The following CYYR1 variants were observed in gnomAD, a reference collection of about 807,000 sequenced individuals.
CYYR1 encodes cysteine and tyrosine rich 1, also known as cysteine and tyrosine-rich protein 1.
CYYR1 carries 14 observed loss-of-function variants against 15.2 expected under a neutral mutation model. That is an observed-to-expected ratio of 0.92 (90% CI 0.61 to 1.44). The LOEUF is 1.44. Among genes scored for constraint, CYYR1 ranks in the 40% most tolerant of loss-of-function variants. The pLI is 0.00. For synonymous variants in CYYR1, 80 were observed against 77.4 expected (o/e 1.03, Z -0.18); for missense variants, 228 against 209.5 (o/e 1.09, Z -0.54).
intron 2 of CYYR1, among the ~76,000 whole-genome samples, chr21:26,560,725 G>T (rs1980137422): frequency 6.6e-6 from 1 of 152,044 alleles, no homozygotes; most frequent in African/African-American, 2.4e-5. Context: ...TCTAAAGTTG[G>T]AATAAAAGCT....
At chr21:26,517,325 T>C (rs1200767001) in intron 2 of CYYR1, among the ~76,000 whole-genome samples, 3 of 152,196 alleles carry the variant, frequency 2.0e-5, no homozygotes, top group Admixed American at 2.0e-4. Context: ...TTTAATATGG[T>C]ATTACTTCTA....
At chr21:26,553,697 T>C (rs927357150) in intron 2 of CYYR1, among the ~76,000 whole-genome samples, 1 of 152,190 alleles carries the variant, frequency 6.6e-6, no homozygotes, top group African/African-American at 2.4e-5. Flanking sequence ...GTGCATTCTG[T>C]CCACGCTCTC....
At chr21:26,478,894 T>C (rs779328340) in intron 3 of CYYR1, among the ~76,000 whole-genome samples, 1 of 151,988 alleles carries the variant, frequency 6.6e-6, no homozygotes, top group Non-Finnish European at 1.5e-5. Context: ...GCAACTAGGA[T>C]AGAGATGCCA....
intron 2 of CYYR1, among the ~76,000 whole-genome samples, chr21:26,532,319 G>C (rs1022412745): frequency 6.6e-6 from 1 of 152,052 alleles, no homozygotes; most frequent in Admixed American, 6.6e-5. Context: ...GCTTATTGAA[G>C]GACTAAAGCA....
intron 2 of CYYR1, among the ~76,000 whole-genome samples, chr21:26,494,930 G>T (rs997573269): frequency 6.6e-6 from 1 of 152,268 alleles, no homozygotes; most frequent in South Asian, 2.1e-4. Context: ...TTGAGCCATC[G>T]GAGTGATGGT....
intron 2 of CYYR1, among the ~76,000 whole-genome samples, chr21:26,525,952 A>AT (rs2065858777): frequency 6.6e-6 from 1 of 152,200 alleles, no homozygotes; most frequent in South Asian, 2.1e-4. Flanking sequence ...TCAGTTATAA[A>AT]TGGAAGCTAA....
intron 2 of CYYR1, among the ~76,000 whole-genome samples, chr21:26,535,868 C>T (rs2123624410): frequency 6.6e-6 from 1 of 152,250 alleles, no homozygotes; most frequent in Non-Finnish European, 1.5e-5. Flanking sequence ...TGTATGTTCC[C>T]TTTGCCACTT....
At chr21:26,521,376 T>C (rs2065802476) in intron 2 of CYYR1, among the ~76,000 whole-genome samples, 1 of 152,164 alleles carries the variant, frequency 6.6e-6, no homozygotes, top group Admixed American at 6.5e-5. Context: ...AGACATCTGG[T>C]TAAATCAAAT....
chr21:26,506,342 G>A (rs1185070410), intron 2 of CYYR1, among the ~76,000 whole-genome samples: 3 of 152,050 alleles, frequency 2.0e-5, no homozygotes, highest in Non-Finnish European at 4.4e-5. Context: ...GACATTGAGG[G>A]GGCTTTCTCT....
At chr21:26,489,581 A>G (rs1038379472) in intron 2 of CYYR1, among the ~76,000 whole-genome samples, 2 of 151,676 alleles carry the variant, frequency 1.3e-5, no homozygotes, top group African/African-American at 4.8e-5. Flanking sequence ...TGTATGTATA[A>G]TATATATAAT....
In CYYR1 at chr21:26,566,309, G is replaced by A. The variant is rs765284239; in HGVS notation, c.133C>T (p.Pro45Ser). 1.2e-6 allele frequency: 2 copies of A among 1,613,914 alleles called. No homozygotes were observed. Among genetic ancestry groups the A allele is most frequent in the East Asian group, 2.2e-5 (1 of 44,846 alleles). Residue 45 changes from proline to serine, a missense_variant, in exon 2 of 4, where the codon CCC (proline) becomes TCC (serine). Coordinates refer to ENST00000652641, the MANE Select transcript of CYYR1 (RefSeq NM_001320768.2). Reference sequence around the variant, plus strand: ...TAAGCGTAGTAGGAGCAACAGTAGGGCGTGGTTCCATCACAGCAGTAAGAT... The same window carrying A: ...TAAGCGTAGTAGGAGCAACAGTAGGACGTGGTTCCATCACAGCAGTAAGAT... ...CKSYCCDGTT[P>S]YCCSYYAYIG... is the part of the protein sequence containing the mutation.
chr21:26,480,217 G>C, intron 3 of CYYR1, 55 bp downstream of exon 3: 2 of 1,506,940 alleles, frequency 1.3e-6, no homozygotes, highest in Non-Finnish European at 1.8e-6. Flanking sequence ...CTCTCTGTGA[G>C]GAGCAGAGGA....
intron 2 of CYYR1, among the ~76,000 whole-genome samples, chr21:26,504,479 C>G (rs1375519428): frequency 2.6e-5 from 4 of 151,852 alleles, no homozygotes; most frequent in African/African-American, 9.7e-5. Context: ...ACCATATTGG[C>G]TAGGCTGTAA....
intron 2 of CYYR1, among the ~76,000 whole-genome samples, chr21:26,498,636 G>C (rs144698357): frequency 2.6e-3 from 392 of 152,290 alleles, no homozygotes; most frequent in African/African-American, 8.8e-3. Context: ...TAGAGCTGTT[G>C]TATTAGTCTA....
Position 26,572,956 on chromosome 21 carries a change from G to A in CYYR1, c.-16C>T. 6.2e-7 allele frequency: 1 copy of A among 1,613,820 alleles called. No homozygotes were observed. The highest frequency in any genetic ancestry group is 8.5e-7 in the Non-Finnish European group (1 of 1,179,916). On this transcript the variant is annotated 5_prime_UTR_variant, in exon 1 of 4. Coordinates refer to ENST00000652641, the MANE Select transcript of CYYR1 (RefSeq NM_001320768.2). ...GAGCGTCCATCCAAGCCGGTGGCCT[G>A]AGGCTTGGAGCGAAGGGAGAGCCCG...
intron 1 of CYYR1, chr21:26,568,571 G>A (rs1262678444): frequency 6.6e-6 from 1 of 152,120 alleles, no homozygotes; most frequent in Non-Finnish European, 1.5e-5. Flanking sequence ...TTATAACTAA[G>A]TCCTCAATAG....
intron 2 of CYYR1, among the ~76,000 whole-genome samples, chr21:26,540,811 C>T (rs971778380): frequency 2.6e-5 from 4 of 152,042 alleles, no homozygotes; most frequent in Admixed American, 2.0e-4. Context: ...ATAAACTGAT[C>T]CTGAAATGAA....
chr21:26,513,772 A>G (rs1454801057), intron 2 of CYYR1, among the ~76,000 whole-genome samples: 3 of 152,034 alleles, frequency 2.0e-5, no homozygotes, highest in African/African-American at 7.2e-5. Context: ...GCAAAAGTCC[A>G]AAGAGGAAAA....
chr21:26,544,718 A>G lies in CYYR1; in HGVS notation c.176+21548T>C, dbSNP rs1261342186. 2.6e-5 allele frequency among the ~76,000 whole-genome samples: 4 copies of G among 152,356 alleles called. No individual in the cohort carries two copies. In the East Asian group the frequency reaches 7.7e-4, roughly 29 times the overall value. ...TAAACATTATTTAAATAAATTCTAA[A>G]GGATGATCTTGTAAGTAAAAACAAC... On this transcript the variant is annotated intron_variant, in intron 2 of 3. Transcript: ENST00000652641.
Sources: allele counts gnomAD v4.1 joint callset (sites outside exome capture counted in the v4.1 genomes callset), GRCh38; gene constraint gnomAD v4.1.1; transcripts MANE v1.5; gene names NCBI Gene and HGNC (gene_info 2026-07-23, HGNC 2026-07-21).